MSI2: variants seen among roughly 807,000 people sequenced by gnomAD.
MSI2 encodes the protein RNA-binding protein Musashi homolog 2.
In MSI2, 17 loss-of-function variants were observed where a neutral mutation model predicts 45.6. The observed-to-expected ratio is 0.37, with a 90% CI of 0.26 to 0.56. The LOEUF (loss-of-function observed/expected upper bound fraction) is 0.56, where lower values mean the gene tolerates loss of function less well. Ranked by LOEUF, MSI2 falls within the 20% of genes least tolerant of loss-of-function variation. The pLI is 0.77. For synonymous variants in MSI2, 156 were observed against 158.2 expected (o/e 0.99, Z 0.11); for missense variants, 293 against 444.2 (o/e 0.66, Z 3.06).
intron 6 of MSI2, among the ~76,000 whole-genome samples, chr17:57,420,169 G>A (rs903274796): frequency 3.3e-5 from 5 of 152,178 alleles, no homozygotes; most frequent in Non-Finnish European, 5.9e-5. Flanking sequence ...CTAGGGTCCA[G>A]GACGCAGGTG....
At chr17:57,427,338 C>T (rs1335986863) in intron 6 of MSI2, among the ~76,000 whole-genome samples, 1 of 151,990 alleles carries the variant, frequency 6.6e-6, no homozygotes, top group Non-Finnish European at 1.5e-5. Context: ...GTGGAGGTTG[C>T]AGTGAGCGGA....
At chr17:57,699,339 G>A in the MSI2 span, among the ~76,000 whole-genome samples, 2 of 149,536 alleles carry the variant, frequency 1.3e-5, no homozygotes, top group Non-Finnish European at 3.0e-5. Context: ...CACTCTCCAC[G>A]TCTTCCTCAC....
intron 6 of MSI2, among the ~76,000 whole-genome samples, chr17:57,501,504 A>T (rs2086106288): frequency 6.6e-6 from 1 of 152,244 alleles, no homozygotes; most frequent in African/African-American, 2.4e-5. Context: ...TTATCCCTCA[A>T]GGGTGGTCCT....
chr17:57,478,938 T>C (rs1388139506), intron 6 of MSI2, among the ~76,000 whole-genome samples: 2 of 152,188 alleles, frequency 1.3e-5, no homozygotes, highest in Non-Finnish European at 2.9e-5. Flanking sequence ...AGTGAGTGTG[T>C]GCTGTGTGCT....
At chr17:57,501,658 A>T (rs1017227581) in intron 6 of MSI2, among the ~76,000 whole-genome samples, 2 of 152,172 alleles carry the variant, frequency 1.3e-5, no homozygotes, top group African/African-American at 4.8e-5. Context: ...AATGAACAGT[A>T]TGTGTGCTGA....
At chr17:57,359,303 TTTATTGAATTCAGCTTTAATA>T (rs1396108253) in intron 5 of MSI2, among the ~76,000 whole-genome samples, 1 of 152,166 alleles carries the variant, frequency 6.6e-6, no homozygotes, top group African/African-American at 2.4e-5. Flanking sequence ...AAAATTTAAT[TTTATTGAATTCAGCTTTAATA>T]TTATTGAATT....
chr17:57,652,060 G>C lies in MSI2; in HGVS notation c.728-39G>C, dbSNP rs1911191972. 1 of 1,607,242 alleles carries C rather than the reference G, an allele frequency of 6.2e-7. No individual in the cohort carries two copies. Among genetic ancestry groups the C allele is most frequent in the South Asian group, 1.1e-5 (1 of 90,898 alleles). ...TAGGTCTGTGCCTGGCCCTTTCAAG[G>C]ATTCCTCCATGACTCAGGCTCCTCT... On this transcript the variant is annotated intron_variant, in intron 10 of 13. Coordinates refer to ENST00000284073, the MANE Select transcript of MSI2 (RefSeq NM_138962.4). This position sits in a 1 kb window ranked among gnomAD's most constrained non-coding sequence, Gnocchi z 4.1.
intron 5 of MSI2, among the ~76,000 whole-genome samples, chr17:57,380,454 G>T (rs906440177): frequency 1.3e-5 from 2 of 152,194 alleles, no homozygotes; most frequent in Admixed American, 6.5e-5. Flanking sequence ...GTTAGTAGCG[G>T]TGCTTGTCAG....
At chr17:57,400,035 G>A (rs1264371851) in intron 5 of MSI2, among the ~76,000 whole-genome samples, 1 of 152,200 alleles carries the variant, frequency 6.6e-6, no homozygotes, top group African/African-American at 2.4e-5. Context: ...ATCACATCGA[G>A]TTGCAGTAGA....
chr17:57,596,757 C>G lies in MSI2; in HGVS notation c.455-111C>G. ...CCTCCCAAGGATCCGCCTACCTACC[C>G]CCAGACCAGGAGGCTGTCAAGACCT... On this transcript the variant is annotated intron_variant, in intron 7 of 13. Transcript: ENST00000284073. The surrounding 1 kb of genome is among the most constrained non-coding windows in gnomAD (Gnocchi z 4.6). 2 of 728,366 alleles carry G rather than the reference C, an allele frequency of 2.7e-6. No homozygotes were observed. 45.1% of individuals were successfully genotyped at this position (728,366 alleles called of 1,614,324 possible). A position where few individuals can be genotyped will look rare whatever the true frequency, so the allele number is the denominator to read the frequency against.
intron 4 of MSI2, among the ~76,000 whole-genome samples, chr17:57,259,500 A>C (rs1011522940): frequency 1.3e-5 from 2 of 152,206 alleles, no homozygotes; most frequent in Non-Finnish European, 2.9e-5. Flanking sequence ...GGTGCACTTG[A>C]ATTGATTTTG....
chr17:57,395,661 T>G (rs185867581), intron 5 of MSI2, among the ~76,000 whole-genome samples: 83 of 152,294 alleles, frequency 5.4e-4, no homozygotes, highest in Non-Finnish European at 9.8e-4. Flanking sequence ...TTCTGTGATC[T>G]CAGGCAGCCC....
intron 5 of MSI2, among the ~76,000 whole-genome samples, chr17:57,340,245 C>T (rs541686482): frequency 2.0e-5 from 3 of 152,248 alleles, no homozygotes; most frequent in Non-Finnish European, 4.4e-5. Context: ...TTGTGCAAAC[C>T]CAAGGAGTCG....
intron 6 of MSI2, among the ~76,000 whole-genome samples, chr17:57,476,890 G>A (rs1275424908): frequency 3.9e-5 from 6 of 152,080 alleles, no homozygotes; most frequent in Non-Finnish European, 7.4e-5. Context: ...CAGTCCCCAT[G>A]CCCCAACCCA....
chr17:57,273,887 CTG>C (rs767446084), intron 5 of MSI2, among the ~76,000 whole-genome samples: 19 of 152,298 alleles, frequency 1.2e-4, no homozygotes, highest in Non-Finnish European at 2.5e-4. Context: ...TGGGAAATAA[CTG>C]TTTTTTTCAG....
the MSI2 span, among the ~76,000 whole-genome samples, chr17:57,700,629 G>A: frequency 2.3e-3 from 346 of 152,264 alleles, 8 homozygotes; most frequent in East Asian, 0.047. Flanking sequence ...TGGGCCGGGC[G>A]CGGTTGCTCA....
At chr17:57,603,530 G>C (rs540562171) in intron 8 of MSI2, among the ~76,000 whole-genome samples, 2 of 152,342 alleles carry the variant, frequency 1.3e-5, no homozygotes, top group South Asian at 4.1e-4. Context: ...ATACCTGGAG[G>C]TCTCGGCCTG....
intron 7 of MSI2, among the ~76,000 whole-genome samples, chr17:57,587,354 C>CA (rs1465557794): frequency 6.6e-6 from 1 of 152,258 alleles, no homozygotes; most frequent in African/African-American, 2.4e-5. Flanking sequence ...TTGGCCAGCG[C>CA]ATCCCTGAGC....
At chr17:57,281,707 G>A (rs543912277) in intron 5 of MSI2, among the ~76,000 whole-genome samples, 1 of 152,284 alleles carries the variant, frequency 6.6e-6, no homozygotes, top group South Asian at 2.1e-4. Flanking sequence ...GCTTTTACAT[G>A]TGAGAGGTGA....
Sources: gnomAD v4.1 joint callset for allele counts (sites outside exome capture counted in the v4.1 genomes callset) on GRCh38, gnomAD v4.1.1 for gene constraint, Gnocchi (gnomAD v3.1) non-coding constraint, MANE v1.5 for transcripts, NCBI Gene and HGNC (gene_info 2026-07-23, HGNC 2026-07-21) for gene names.